AASS: variants seen among roughly 807,000 people sequenced by gnomAD.
AASS encodes aminoadipate-semialdehyde synthase.
A neutral mutation model predicts 105.4 loss-of-function variants in AASS; 86 were observed. That is an observed-to-expected ratio of 0.82 (90% CI 0.69 to 0.98). The LOEUF (loss-of-function observed/expected upper bound fraction) is 0.98. Ranked by LOEUF, AASS falls within the 50% of genes least tolerant of loss-of-function variation. The pLI, the probability that AASS is intolerant of heterozygous loss-of-function variation, is 0.00. For missense variants in AASS, 1,048 were observed against 1,143.2 expected, an observed-to-expected ratio of 0.92 and a Z score of 1.20; for synonymous variants, 381 against 394.8, an observed-to-expected ratio of 0.96 and a Z score of 0.41.
intron 11 of AASS, among the ~76,000 whole-genome samples, chr7:122,106,850 T>C (rs2150528548): frequency 6.6e-6 from 1 of 152,094 alleles, no homozygotes; most frequent in Non-Finnish European, 1.5e-5. Flanking sequence ...ACATGGGAAC[T>C]AGCAAAGATT....
intron 2 of AASS, among the ~76,000 whole-genome samples, chr7:122,131,876 C>T (rs942357189): frequency 1.1e-4 from 16 of 152,088 alleles, no homozygotes; most frequent in African/African-American, 3.9e-4. Context: ...AATGGATTCA[C>T]ATCCAAAGGA....
At chr7:122,096,322 C>T (rs1794152905) in intron 15 of AASS, among the ~76,000 whole-genome samples, 1 of 151,986 alleles carries the variant, frequency 6.6e-6, no homozygotes, top group South Asian at 2.1e-4. Context: ...TCAAAACATT[C>T]TTTCCCCAAC....
At chr7:122,142,591 A>T (rs1321916745) in intron 1 of AASS, among the ~76,000 whole-genome samples, 1 of 152,210 alleles carries the variant, frequency 6.6e-6, no homozygotes, top group Non-Finnish European at 1.5e-5. Flanking sequence ...TGAAATAGGG[A>T]TGCATCTTAC....
chr7:122,077,688 C>T, intron 23 of AASS, 150 bp downstream of exon 23: 1 of 948,522 alleles, frequency 1.1e-6, no homozygotes. Flanking sequence ...AAAAGGGGAC[C>T]TCCCAGGCAG....
intron 15 of AASS, among the ~76,000 whole-genome samples, chr7:122,096,816 T>C (rs1433952729): frequency 1.3e-5 from 2 of 152,096 alleles, no homozygotes. Context: ...GAGATTGATG[T>C]CTTTGTCCAT....
intron 18 of AASS, among the ~76,000 whole-genome samples, chr7:122,087,994 T>C (rs527412433): frequency 6.6e-6 from 1 of 152,300 alleles, no homozygotes; most frequent in Admixed American, 6.5e-5. Context: ...TGGGTAATCA[T>C]TGTCATTTGA....
At chr7:122,088,228 T>C (rs1434950493) in intron 18 of AASS, among the ~76,000 whole-genome samples, 1 of 152,014 alleles carries the variant, frequency 6.6e-6, no homozygotes. Flanking sequence ...CAAACACAAA[T>C]ACAAATCTCC....
chr7:122,115,494 G>C (rs987091479), intron 8 of AASS, among the ~76,000 whole-genome samples: 1 of 152,014 alleles, frequency 6.6e-6, no homozygotes, highest in East Asian at 1.9e-4. Context: ...GAAGAAAAAT[G>C]AAAGGACAAA....
At chr7:122,131,516 T>A (rs1795916336) in intron 2 of AASS, among the ~76,000 whole-genome samples, 2 of 151,914 alleles carry the variant, frequency 1.3e-5, no homozygotes, top group South Asian at 4.1e-4. Flanking sequence ...ATATAAAATT[T>A]TAAAGGTAAA....
At chr7:122,078,343 G>A (rs1191492371) in intron 22 of AASS, among the ~76,000 whole-genome samples, 1 of 152,084 alleles carries the variant, frequency 6.6e-6, no homozygotes, top group Non-Finnish European at 1.5e-5. Flanking sequence ...GTCGGGCGCG[G>A]TGGCTCATGC....
intron 22 of AASS, 102 bp from the exon 23 acceptor site, chr7:122,078,116 T>A (rs1319849778): frequency 1.8e-6 from 2 of 1,096,906 alleles, no homozygotes; most frequent in African/African-American, 3.1e-5. Flanking sequence ...TTTCCCTCCT[T>A]TTATATATGA....
intron 8 of AASS, among the ~76,000 whole-genome samples, chr7:122,115,739 G>A (rs1412393594): frequency 1.3e-5 from 2 of 152,152 alleles, no homozygotes; most frequent in Admixed American, 6.5e-5. Flanking sequence ...AACTAGGTCA[G>A]TATCAGTTTT....
intron 2 of AASS, 49 bp downstream of exon 2, chr7:122,133,468 C>G: frequency 6.3e-7 from 1 of 1,586,672 alleles, no homozygotes; most frequent in Non-Finnish European, 8.7e-7. Context: ...CCTTAATTTT[C>G]ATATGCAGGT....
At position 122,118,355 on chromosome 7, in the gene AASS, T is replaced by A. The variant is rs1251986774; in HGVS notation, c.639A>T (p.Ser213=). The part of the protein sequence containing the change: ...YEISLGLMPK[S]IGPLTFVFTG... ...TGAACACAAATGTTAAGGGTCCTAT[T>A]GACTTAGGCATCAAACCCAAAGATA... is the stretch of plus-strand genomic sequence containing the variant. The change falls in exon 6 of 24, where the codon TCA becomes TCT. Residue 213 remains serine, a synonymous_variant. Coordinates refer to ENST00000417368, the MANE Select transcript of AASS (RefSeq NM_005763.4). 5.6e-6 allele frequency: 9 copies of A among 1,614,036 alleles called. No homozygotes were observed. The highest frequency in any genetic ancestry group is 1.3e-5 in the African/African-American group (1 of 74,924).
At chr7:122,092,724 CAA>C (rs60690049) in intron 17 of AASS, 117 bp downstream of exon 17, 76 of 783,666 alleles carry the variant, frequency 9.7e-5, no homozygotes, top group African/African-American at 1.8e-4. Flanking sequence ...AACTCAGTCT[CAA>C]AAAAAAAAAA....
At chr7:122,083,281 A>G (rs1285896638) in intron 19 of AASS, among the ~76,000 whole-genome samples, 1 of 152,188 alleles carries the variant, frequency 6.6e-6, no homozygotes, top group Non-Finnish European at 1.5e-5. Flanking sequence ...CAGAAAAGTA[A>G]TATCACTAGC....
intron 9 of AASS, among the ~76,000 whole-genome samples, chr7:122,114,500 A>T (rs982564338): frequency 6.6e-6 from 1 of 152,214 alleles, no homozygotes; most frequent in Non-Finnish European, 1.5e-5. Flanking sequence ...AATGCCTATT[A>T]TATATCAGGC....
In AASS at chr7:122,081,517, C is replaced by A. The variant is rs1312545001; in HGVS notation, c.2263G>T (p.Ala755Ser). 3 of 1,613,694 alleles carry A rather than the reference C, an allele frequency of 1.9e-6. No homozygotes were observed. Among genetic ancestry groups the A allele is most frequent in the African/African-American group, 2.7e-5 (2 of 74,914 alleles). ...TCACTCACCCAGGTGAGAGGGTTGG[C>A]CTCAGGTCTAAAGGCAGGAAGCGCT... is the stretch of plus-strand genomic sequence containing the variant. ...REALPAFRPE[A>S]NPLTWKQLLC... The change falls in exon 20 of 24, where the codon GCC (alanine) becomes TCC (serine). Residue 755 changes from alanine (A) to serine (S), a missense_variant. Physicochemically the swap from Ala to Ser is moderately conservative, Grantham distance 99. Coordinates refer to ENST00000417368, the MANE Select transcript of AASS (RefSeq NM_005763.4).
chr7:122,078,644 T>G (rs960834090), intron 22 of AASS, among the ~76,000 whole-genome samples: 1 of 152,102 alleles, frequency 6.6e-6, no homozygotes, highest in African/African-American at 2.4e-5. Context: ...AATAAATAAA[T>G]AGTAAAACTA....
Sources: gnomAD v4.1 joint callset for allele counts (sites outside exome capture counted in the v4.1 genomes callset) on GRCh38, gnomAD v4.1.1 for gene constraint, MANE v1.5 for transcripts, NCBI Gene and HGNC (gene_info 2026-07-23, HGNC 2026-07-21) for gene names.